CSGALNACT1: variants seen among roughly 807,000 people sequenced by gnomAD.
CSGALNACT1 encodes the protein beta4GalNAcT-1.
CSGALNACT1 carries 52 observed loss-of-function variants against 51.0 expected under a neutral mutation model. The ratio of observed to expected loss-of-function variants is 1.02; its 90% CI spans 0.82 to 1.29. The LOEUF is 1.29. Ranked by LOEUF, CSGALNACT1 falls within the 50% of genes most tolerant of loss-of-function variation. The probability of loss-of-function intolerance (pLI) is 0.00; values close to 1 mark genes in which losing one functional copy is unlikely to be tolerated. For synonymous variants in CSGALNACT1, 341 were observed against 254.4 expected (o/e 1.34, Z -3.24); for missense variants, 935 against 679.2 (o/e 1.38, Z -4.19).
chr8:19,505,145 C>A, intron 4 of CSGALNACT1, 56 bp downstream of exon 3: 1 of 1,604,064 alleles, frequency 6.2e-7, no homozygotes, highest in Admixed American at 1.7e-5. Context: ...TGCCTGGGTG[C>A]CAGGAACCCC....
intron 3 of CSGALNACT1, among the ~76,000 whole-genome samples, chr8:19,563,868 C>T (rs1426266530): frequency 1.3e-5 from 2 of 152,144 alleles, no homozygotes; most frequent in African/African-American, 4.8e-5. Flanking sequence ...CAGCCCCTCC[C>T]CCAGGCATGT....
intron 3 of CSGALNACT1, among the ~76,000 whole-genome samples, chr8:19,544,855 T>C (rs141526285): frequency 2.6e-4 from 40 of 152,230 alleles, no homozygotes; most frequent in African/African-American, 9.4e-4. Flanking sequence ...GTATCTGAGA[T>C]ATAAAAAAAG....
chr8:19,526,343 G>C (rs1418536354), intron 3 of CSGALNACT1, among the ~76,000 whole-genome samples: 3 of 152,228 alleles, frequency 2.0e-5, no homozygotes, highest in Non-Finnish European at 2.9e-5. Flanking sequence ...CCAGCACTTT[G>C]GGAAGCTGAG....
intron 3 of CSGALNACT1, among the ~76,000 whole-genome samples, chr8:19,508,506 A>G (rs2077804787): frequency 6.6e-6 from 1 of 152,186 alleles, no homozygotes; most frequent in Non-Finnish European, 1.5e-5. Flanking sequence ...GATTTATATA[A>G]TTACTGTAAT....
intron 1 of CSGALNACT1, among the ~76,000 whole-genome samples, chr8:19,711,763 C>T (rs115055106): frequency 6.6e-6 from 1 of 152,106 alleles, no homozygotes; most frequent in Non-Finnish European, 1.5e-5. Flanking sequence ...CATTGACATG[C>T]CCACCTGTAG....
chr8:19,488,430 C>T (rs946790439), intron 4 of CSGALNACT1, among the ~76,000 whole-genome samples: 1 of 138,792 alleles, frequency 7.2e-6, no homozygotes, highest in African/African-American at 2.6e-5. Context: ...GATCAGAATT[C>T]TAACTTTGTA....
intron 4 of CSGALNACT1, among the ~76,000 whole-genome samples, chr8:19,459,518 A>G (rs757701907): frequency 6.6e-6 from 1 of 152,048 alleles, no homozygotes; most frequent in Non-Finnish European, 1.5e-5. Flanking sequence ...GGAAGCTTCT[A>G]GAAGCATTAA....
chr8:19,619,764 T>C (rs1050665997), intron 1 of CSGALNACT1, among the ~76,000 whole-genome samples: 2 of 152,156 alleles, frequency 1.3e-5, no homozygotes, highest in Non-Finnish European at 2.9e-5. Context: ...GAGTTCCAAA[T>C]ACTGAATAAA....
intron 3 of CSGALNACT1, among the ~76,000 whole-genome samples, chr8:19,549,897 A>C (rs1351927923): frequency 1.3e-5 from 2 of 152,038 alleles, no homozygotes; most frequent in African/African-American, 2.4e-5. Context: ...CTAAGAAGTC[A>C]GATGCTGGAA....
chr8:19,429,897 C>T (rs1385920589), intron 6 of CSGALNACT1, among the ~76,000 whole-genome samples: 1 of 152,178 alleles, frequency 6.6e-6, no homozygotes, highest in African/African-American at 2.4e-5. Context: ...TTGTAATTGA[C>T]TTGTGGATTA....
At chr8:19,680,287 G>A (rs1192845308) in intron 1 of CSGALNACT1, among the ~76,000 whole-genome samples, 1 of 152,186 alleles carries the variant, frequency 6.6e-6, no homozygotes, top group Non-Finnish European at 1.5e-5. Flanking sequence ...CTGGAATGGT[G>A]GCTCATGTCT....
At chr8:19,709,474 G>C (rs894490599) in intron 1 of CSGALNACT1, among the ~76,000 whole-genome samples, 10 of 152,308 alleles carry the variant, frequency 6.6e-5, no homozygotes, top group South Asian at 2.1e-4. Context: ...CTTTGGGTTA[G>C]CTGGTGAAGG....
intron 3 of CSGALNACT1, among the ~76,000 whole-genome samples, chr8:19,546,879 G>C (rs1334745073): frequency 6.6e-6 from 1 of 152,188 alleles, no homozygotes; most frequent in Non-Finnish European, 1.5e-5. Flanking sequence ...GTCACATAAG[G>C]TTCAGGGTGC....
At chr8:19,630,541 G>T (rs534282771) in intron 1 of CSGALNACT1, among the ~76,000 whole-genome samples, 9 of 152,104 alleles carry the variant, frequency 5.9e-5, no homozygotes, top group East Asian at 3.9e-4. Context: ...AATTCTGTGG[G>T]TTCTGCCAAA....
At chr8:19,649,087 G>T (rs182484372) in intron 1 of CSGALNACT1, among the ~76,000 whole-genome samples, 2 of 152,266 alleles carry the variant, frequency 1.3e-5, no homozygotes, top group East Asian at 3.9e-4. Context: ...TGTATTCTGT[G>T]TGCCAATAAT....
intron 6 of CSGALNACT1, among the ~76,000 whole-genome samples, chr8:19,436,170 G>A (rs182878408): frequency 6.6e-6 from 1 of 152,186 alleles, no homozygotes; most frequent in Non-Finnish European, 1.5e-5. Flanking sequence ...TTTTTAAAAA[G>A]ATATTAAAGT....
intron 3 of CSGALNACT1, among the ~76,000 whole-genome samples, chr8:19,530,703 C>T (rs1219457223): frequency 6.6e-6 from 1 of 152,016 alleles, no homozygotes; most frequent in Non-Finnish European, 1.5e-5. Context: ...TGCCCTTCAG[C>T]CTGGACAACA....
At chr8:19,637,451 A>T (rs2056223856) in intron 1 of CSGALNACT1, among the ~76,000 whole-genome samples, 1 of 152,116 alleles carries the variant, frequency 6.6e-6, no homozygotes, top group Non-Finnish European at 1.5e-5. Flanking sequence ...TTTGTATGAT[A>T]ATGTCATAAG....
rs527330427 is a variant in CSGALNACT1, at chr8:19,647,737, C to T, written c.-544+34736G>A. On this transcript the variant is annotated intron_variant, in intron 1 of 9. Transcript: ENST00000332246. ...CCAACATTACCAAGTGCAAGTCATA[C>T]GATACAGGATATTAGATGCTGATAC... Among the ~76,000 whole-genome samples, 10 of 152,216 alleles carry T rather than the reference C, an allele frequency of 6.6e-5. No individual in the cohort carries two copies. The South Asian group carries it at 1.2e-3, about 19-fold the overall frequency.
Sources: allele counts gnomAD v4.1 joint callset (sites outside exome capture counted in the v4.1 genomes callset), GRCh38; gene constraint gnomAD v4.1.1; transcripts MANE v1.5; gene names NCBI Gene and HGNC (gene_info 2026-07-23, HGNC 2026-07-21).